PCBP2: variants seen among roughly 807,000 people sequenced by gnomAD.
PCBP2 encodes the protein poly(rC) binding protein 2.
A neutral mutation model predicts 50.1 loss-of-function variants in PCBP2; 4 were observed. That is an observed-to-expected ratio of 0.08 (90% CI 0.04 to 0.18). The LOEUF is 0.18. Among genes scored for constraint, PCBP2 ranks in the 10% least tolerant of loss-of-function variants. The probability of loss-of-function intolerance (pLI) is 1.00; values close to 1 mark genes in which losing one functional copy is unlikely to be tolerated. For synonymous variants in PCBP2, 179 were observed against 168.0 expected, an observed-to-expected ratio of 1.07 and a Z score of -0.51; for missense variants, 161 against 474.3, an observed-to-expected ratio of 0.34 and a Z score of 6.14.
At chr12:53,456,720 G>A (rs537977589) in intron 5 of PCBP2, among the ~76,000 whole-genome samples, 3 of 152,310 alleles carry the variant, frequency 2.0e-5, no homozygotes, top group African/African-American at 4.8e-5. Context: ...GTTATCAGAA[G>A]GAAAATACAC....
intron 8 of PCBP2, among the ~76,000 whole-genome samples, chr12:53,463,414 A>G (rs911519837): frequency 2.0e-5 from 3 of 152,316 alleles, no homozygotes; most frequent in African/African-American, 4.8e-5. Flanking sequence ...CCTCAGATCA[A>G]AAGTATTCAG....
chr12:53,468,751 T>A, intron 12 of PCBP2, 26 bp from the exon 13 acceptor site: 7 of 1,591,686 alleles, frequency 4.4e-6, no homozygotes, highest in Non-Finnish European at 6.0e-6. Context: ...GTGCATTGAA[T>A]TTGCTTGCTC....
intron 14 of PCBP2, chr12:53,476,142 T>A (rs957596488): frequency 1.3e-5 from 2 of 152,252 alleles, no homozygotes; most frequent in African/African-American, 4.8e-5. Flanking sequence ...CAACTTGACA[T>A]GATGCCATCC....
intron 5 of PCBP2, among the ~76,000 whole-genome samples, chr12:53,458,726 C>T (rs1362066253): frequency 1.3e-5 from 2 of 151,340 alleles, no homozygotes; most frequent in African/African-American, 4.9e-5. Flanking sequence ...TGCAACTTTG[C>T]CTCCTGGGTT....
chr12:53,456,871 G>A (rs180787848), intron 5 of PCBP2, among the ~76,000 whole-genome samples: 1 of 152,286 alleles, frequency 6.6e-6, no homozygotes, highest in Admixed American at 6.5e-5. Flanking sequence ...AGGCAGAGGA[G>A]TGCTGCTTCC....
chr12:53,481,109 A>G lies in PCBP2; in HGVS notation c.*1667A>G, dbSNP rs1212274559. On this transcript the variant is annotated 3_prime_UTR_variant, in exon 15 of 15. Coordinates refer to ENST00000546463, the MANE Select transcript of PCBP2 (RefSeq NM_031989.5). Reference sequence around the variant, plus strand: ...CATCTTTCTGTTGATTATGTGGCGCATATATATATATATATGTATATATAT... The same window carrying G: ...CATCTTTCTGTTGATTATGTGGCGCGTATATATATATATATGTATATATAT... 4 of 324,286 alleles carry G rather than the reference A, an allele frequency of 1.2e-5. No homozygotes were observed. Among genetic ancestry groups the G allele is most frequent in the East Asian group, 1.2e-4 (1 of 8,332 alleles). The allele number at this position is 324,286 out of a possible 1,614,324, so 20.1% of individuals were successfully genotyped here.
At chr12:53,466,831 C>T (rs1941860379) in intron 10 of PCBP2, among the ~76,000 whole-genome samples, 1 of 152,082 alleles carries the variant, frequency 6.6e-6, no homozygotes, top group Non-Finnish European at 1.5e-5. Context: ...TGATGAAACC[C>T]TGCATGGTGT....
intron 5 of PCBP2, among the ~76,000 whole-genome samples, chr12:53,458,408 C>A (rs560714009): frequency 1.3e-5 from 2 of 151,810 alleles, no homozygotes; most frequent in African/African-American, 2.4e-5. Flanking sequence ...CGGATTCAAG[C>A]GATTCTCCTG....
intron 14 of PCBP2, among the ~76,000 whole-genome samples, chr12:53,478,190 A>G (rs144147054): frequency 4.1e-4 from 63 of 152,258 alleles, no homozygotes; most frequent in African/African-American, 1.5e-3. Context: ...TTTGTCTGCT[A>G]CTTTTAAGTC....
chr12:53,472,921 T>C (rs1942337278), intron 14 of PCBP2, among the ~76,000 whole-genome samples: 1 of 152,158 alleles, frequency 6.6e-6, no homozygotes, highest in African/African-American at 2.4e-5. Flanking sequence ...AGGTCCTTAA[T>C]GTTGAGAATG....
chr12:53,455,528 G>A (rs1446298219), intron 4 of PCBP2, 35 bp downstream of exon 4: 3 of 1,606,932 alleles, frequency 1.9e-6, no homozygotes, highest in Non-Finnish European at 2.6e-6. Flanking sequence ...TTAACTTTGG[G>A]AAGTAAAAAA....
At position 53,460,487 on chromosome 12, in the gene PCBP2, A is replaced by G. The variant is rs1376775869; in HGVS notation, c.376-528A>G. 1.6e-5 allele frequency: 4 copies of G among 243,732 alleles called. No individual in the cohort carries two copies. In the East Asian group the frequency reaches 5.3e-4, roughly 32 times the overall value. The allele number at this position is 243,732 out of a possible 1,614,324, so 15.1% of individuals were successfully genotyped here. ...CTATGGAAGTTACGTTGAATTATGG[A>G]AGATTTTAATTGTATCTAGATGTTA... On this transcript the variant is annotated intron_variant, in intron 6 of 14. Transcript: ENST00000546463.
At chr12:53,465,258 G>T (rs1941738829) in intron 9 of PCBP2, among the ~76,000 whole-genome samples, 1 of 151,474 alleles carries the variant, frequency 6.6e-6, no homozygotes, top group East Asian at 1.9e-4. Flanking sequence ...CTACCCCATT[G>T]CCCTGAAGAC....
intron 8 of PCBP2, among the ~76,000 whole-genome samples, chr12:53,463,417 G>C: frequency 6.6e-6 from 1 of 152,118 alleles, no homozygotes; most frequent in East Asian, 1.9e-4. Context: ...CAGATCAAAA[G>C]TATTCAGGGA....
intron 8 of PCBP2, 65 bp downstream of exon 8, chr12:53,462,632 A>G: frequency 7.4e-7 from 1 of 1,355,008 alleles, no homozygotes; most frequent in African/African-American, 1.4e-5. Context: ...CAACTTTGCC[A>G]GCATCACACC....
chr12:53,468,917 CTTTTTTTTT>C (rs5798266), intron 13 of PCBP2, 85 bp downstream of exon 13: 1 of 574,218 alleles, frequency 1.7e-6, no homozygotes, highest in Admixed American at 3.2e-5. Context: ...TCCTGCTACC[CTTTTTTTTT>C]TTTTTTTTTT....
At chr12:53,468,048 C>T (rs913333664) in intron 12 of PCBP2, 10 of 582,030 alleles carry the variant, frequency 1.7e-5, no homozygotes, top group African/African-American at 1.3e-4. Flanking sequence ...AGACAGCAGC[C>T]ATAGCTGAGA....
chr12:53,468,883 G>GA, intron 13 of PCBP2, 51 bp downstream of exon 13: 1 of 1,179,062 alleles, frequency 8.5e-7, no homozygotes, highest in Non-Finnish European at 1.3e-6. Context: ...AGACTGTAAA[G>GA]AAATAGATGT....
chr12:53,470,751 A>T (rs2137096123), intron 13 of PCBP2, among the ~76,000 whole-genome samples: 1 of 125,448 alleles, frequency 8.0e-6, no homozygotes, highest in South Asian at 2.7e-4. Flanking sequence ...TGCAAATGTT[A>T]ACCAGTTTTT....
Sources: gnomAD v4.1 joint callset for allele counts (sites outside exome capture counted in the v4.1 genomes callset) on GRCh38, gnomAD v4.1.1 for gene constraint, MANE v1.5 for transcripts, NCBI Gene and HGNC (gene_info 2026-07-23, HGNC 2026-07-21) for gene names.